Variants in PDE1A observed in about 807,000 individuals in gnomAD.
PDE1A encodes dual specificity calcium/calmodulin-dependent 3',5'-cyclic nucleotide phosphodiesterase 1A.
Under a neutral mutation model 61.7 loss-of-function variants are expected in PDE1A, and 35 were observed. The observed-to-expected ratio is 0.57, with a 90% CI of 0.43 to 0.75. The LOEUF (loss-of-function observed/expected upper bound fraction) is 0.75. PDE1A is among the 30% of genes least tolerant of loss of function. The probability of loss-of-function intolerance (pLI) is 0.00; values close to 1 mark genes in which losing one functional copy is unlikely to be tolerated. For synonymous variants in PDE1A, 232 were observed against 213.2 expected (o/e 1.09, Z -0.77); for missense variants, 597 against 630.6 (o/e 0.95, Z 0.57).
intron 13 of PDE1A, among the ~76,000 whole-genome samples, chr2:182,158,033 T>C (rs1255830454): frequency 1.3e-5 from 2 of 152,214 alleles, no homozygotes; most frequent in East Asian, 1.9e-4. Context: ...TTCTCTGCTA[T>C]GTACATGTCA....
chr2:182,693,603 C>T, the PDE1A span, among the ~76,000 whole-genome samples: 777 of 145,884 alleles, frequency 5.3e-3, 7 homozygotes, highest in African/African-American at 0.018. Context: ...TTTTTCTTTT[C>T]GGTGTGTTGT....
At chr2:182,580,434 T>A in the PDE1A span, among the ~76,000 whole-genome samples, 2 of 152,128 alleles carry the variant, frequency 1.3e-5, no homozygotes, top group Non-Finnish European at 2.9e-5. Flanking sequence ...GTCCAAATTT[T>A]CTCTTCTTAT....
At chr2:182,455,558 C>G (rs1057296951) in intron 2 of PDE1A, among the ~76,000 whole-genome samples, 1 of 152,114 alleles carries the variant, frequency 6.6e-6, no homozygotes, top group African/African-American at 2.4e-5. Flanking sequence ...ACATATACAC[C>G]ATGGAACACT....
At chr2:182,650,023 G>T in the PDE1A span, among the ~76,000 whole-genome samples, 2 of 152,108 alleles carry the variant, frequency 1.3e-5, no homozygotes, top group African/African-American at 4.8e-5. Context: ...AGGCTGCAGT[G>T]AGCTGTGATC....
intron 1 of PDE1A, among the ~76,000 whole-genome samples, chr2:182,363,791 A>T (rs983851237): frequency 1.3e-5 from 2 of 152,070 alleles, no homozygotes; most frequent in African/African-American, 4.8e-5. Context: ...ATGCTACTAC[A>T]TTCTAGAGTT....
At chr2:182,306,227 C>T (rs1246079827) in intron 1 of PDE1A, among the ~76,000 whole-genome samples, 1 of 152,104 alleles carries the variant, frequency 6.6e-6, no homozygotes, top group East Asian at 1.9e-4. Flanking sequence ...CTTTTTAAGA[C>T]TGTGTAGTAT....
chr2:182,385,906 C>A (rs1044964944), intron 1 of PDE1A, among the ~76,000 whole-genome samples: 12 of 151,882 alleles, frequency 7.9e-5, no homozygotes, highest in Non-Finnish European at 1.3e-4. Flanking sequence ...CCCTCTGATG[C>A]CCGGCCGAAG....
intron 13 of PDE1A, among the ~76,000 whole-genome samples, chr2:182,180,236 GATAC>G (rs1684641180): frequency 6.6e-6 from 1 of 151,982 alleles, no homozygotes; most frequent in East Asian, 1.9e-4. Flanking sequence ...ATGAATTATA[GATAC>G]ATATATAAAG....
chr2:182,578,596 A>G, the PDE1A span, among the ~76,000 whole-genome samples: 1 of 152,358 alleles, frequency 6.6e-6, no homozygotes, highest in Middle Eastern at 3.4e-3. Flanking sequence ...GAAACAAACC[A>G]AAGTTCATCA....
At chr2:182,508,020 A>G (rs1380647302) in intron 2 of PDE1A, among the ~76,000 whole-genome samples, 1 of 152,186 alleles carries the variant, frequency 6.6e-6, no homozygotes, top group Non-Finnish European at 1.5e-5. Flanking sequence ...TTCAGGGAAG[A>G]GCATTCTTAT....
At chr2:182,669,640 G>A in the PDE1A span, among the ~76,000 whole-genome samples, 15 of 152,010 alleles carry the variant, frequency 9.9e-5, no homozygotes, top group East Asian at 5.8e-4. Flanking sequence ...TCATATTTTC[G>A]TCATTAATTC....
At chr2:182,378,525 T>C (rs779965272) in intron 1 of PDE1A, among the ~76,000 whole-genome samples, 1 of 152,168 alleles carries the variant, frequency 6.6e-6, no homozygotes, top group Non-Finnish European at 1.5e-5. Flanking sequence ...CACCAAGTGA[T>C]TTCTAGGAGT....
At chr2:182,572,727 G>A in the PDE1A span, among the ~76,000 whole-genome samples, 1 of 151,896 alleles carries the variant, frequency 6.6e-6, no homozygotes, top group Non-Finnish European at 1.5e-5. Context: ...AAAATTAGCC[G>A]GACATGGTGG....
chr2:182,437,002 T>C (rs945601142), intron 2 of PDE1A, among the ~76,000 whole-genome samples: 1 of 151,962 alleles, frequency 6.6e-6, no homozygotes, highest in Non-Finnish European at 1.5e-5. Flanking sequence ...CTAGCAGGAA[T>C]TGAGACTTGA....
At chr2:182,326,226 C>T (rs181220501) in intron 1 of PDE1A, among the ~76,000 whole-genome samples, 2 of 152,174 alleles carry the variant, frequency 1.3e-5, no homozygotes, top group African/African-American at 2.4e-5. Context: ...TATCTACCCA[C>T]AAGAATTGAA....
At chr2:182,482,857 A>G (rs1405110112) in intron 2 of PDE1A, among the ~76,000 whole-genome samples, 4 of 151,980 alleles carry the variant, frequency 2.6e-5, no homozygotes, top group Non-Finnish European at 2.9e-5. Flanking sequence ...AACCATGTCA[A>G]TTAGCTGTAA....
intron 2 of PDE1A, among the ~76,000 whole-genome samples, chr2:182,515,956 G>GTC (rs1690111301): frequency 2.2e-4 from 3 of 13,612 alleles, no homozygotes; most frequent in Non-Finnish European, 4.1e-4. Context: ...GTGTGTTTCT[G>GTC]TGTGTGTGTG....
At chr2:182,437,518 G>C (rs943173001) in intron 2 of PDE1A, among the ~76,000 whole-genome samples, 9 of 151,862 alleles carry the variant, frequency 5.9e-5, no homozygotes, top group African/African-American at 1.9e-4. Flanking sequence ...AAGAGCTGTT[G>C]CCATTACAGA....
At chr2:182,568,178 A>G in the PDE1A span, among the ~76,000 whole-genome samples, 1 of 152,126 alleles carries the variant, frequency 6.6e-6, no homozygotes, top group East Asian at 1.9e-4. Context: ...TTAAATTTAA[A>G]ATGTAACAGT....
Sources: gnomAD v4.1 joint callset for allele counts (sites outside exome capture counted in the v4.1 genomes callset) on GRCh38, gnomAD v4.1.1 for gene constraint, MANE v1.5 for transcripts, NCBI Gene and HGNC (gene_info 2026-07-23, HGNC 2026-07-21) for gene names.